PTPN13: variants seen among roughly 807,000 people sequenced by gnomAD.
PTPN13 encodes protein tyrosine phosphatase non-receptor type 13.
In PTPN13, 191 loss-of-function variants were observed where a neutral mutation model predicts 284.0. That is an observed-to-expected ratio of 0.67 (90% confidence interval 0.60 to 0.76). The LOEUF is 0.76. Among genes scored for constraint, PTPN13 ranks in the 30% least tolerant of loss-of-function variants. The probability of loss-of-function intolerance (pLI) is 0.00; values close to 1 mark genes in which losing one functional copy is unlikely to be tolerated. For missense variants in PTPN13, 2,797 were observed against 2,939.9 expected, an observed-to-expected ratio of 0.95 and a Z score of 1.12; for synonymous variants, 986 against 1,022.3, an observed-to-expected ratio of 0.96 and a Z score of 0.68.
chr4:86,666,279 T>C (rs1277669195), intron 2 of PTPN13, among the ~76,000 whole-genome samples: 1 of 149,624 alleles, frequency 6.7e-6, no homozygotes, highest in Admixed American at 6.7e-5. Flanking sequence ...AGCGTCATTG[T>C]CTGGGGTAAA....
intron 39 of PTPN13, 51 bp from the exon 40 acceptor site, chr4:86,785,797 C>T (rs1249174778): frequency 3.4e-6 from 4 of 1,190,080 alleles, no homozygotes. Context: ...AACTTTTCTA[C>T]TTCCTCAATA....
intron 6 of PTPN13, among the ~76,000 whole-genome samples, chr4:86,700,069 T>C (rs1730989327): frequency 6.6e-6 from 1 of 152,176 alleles, no homozygotes; most frequent in South Asian, 2.1e-4. Context: ...AAGCACAATG[T>C]TTTAATCTTA....
chr4:86,758,878 A>G lies in PTPN13; in HGVS notation c.3422-64A>G, dbSNP rs1440329581. The stretch of plus-strand genomic sequence containing the variant: ...CTAAAATAATTGAGAAAGAGATGAT[A>G]TTTCTAAGATTCAGAATAAATGTAT... On this transcript the variant is annotated intron_variant, in intron 22 of 47. Transcript: ENST00000411767. 6.2e-5 allele frequency: 98 copies of G among 1,585,238 alleles called. No homozygotes were observed. In the Admixed American group the frequency reaches 1.8e-3, roughly 29 times the overall value.
At chr4:86,608,394 C>T (rs1764983091) in intron 1 of PTPN13, among the ~76,000 whole-genome samples, 1 of 151,960 alleles carries the variant, frequency 6.6e-6, no homozygotes, top group Non-Finnish European at 1.5e-5. Context: ...CTAGCCAATT[C>T]TTGGAAGATT....
intron 10 of PTPN13, among the ~76,000 whole-genome samples, chr4:86,724,550 T>G (rs1212672231): frequency 6.6e-6 from 1 of 152,178 alleles, no homozygotes; most frequent in Admixed American, 6.5e-5. Context: ...GCCAGAGATA[T>G]TTTGTGTCAG....
chr4:86,780,829 C>A (rs1268064423), intron 36 of PTPN13, among the ~76,000 whole-genome samples: 1 of 152,136 alleles, frequency 6.6e-6, no homozygotes, highest in African/African-American at 2.4e-5. Context: ...AAAATAAACT[C>A]AAAATAAATG....
At position 86,774,419 on chromosome 4, in the gene PTPN13, T is replaced by C. The variant is rs765367977; in HGVS notation, c.5396T>C (p.Leu1799Pro). ...CTAATTAAATCAGAAAAAGGAAGCC[T>C]GGGTTTTACAGTAACCAAAGGCAAT... is the stretch of plus-strand genomic sequence containing the variant. ...ITLIKSEKGSLGFTVTKGNQR... is the reference protein window; with the variant it reads ...ITLIKSEKGSPGFTVTKGNQR... Residue 1799 changes from leucine to proline, a missense_variant, in exon 33 of 48, where the codon CTG (leucine) becomes CCG (proline). Leu to Pro is a moderately conservative substitution (Grantham distance 98). Coordinates refer to ENST00000411767, the MANE Select transcript of PTPN13 (RefSeq NM_080683.3). The C allele has an allele frequency of 2.9e-5, 46 of 1,606,850 alleles. No homozygotes were observed. Among genetic ancestry groups the C allele is most frequent in the Middle Eastern group, 1.6e-4 (1 of 6,076 alleles).
At chr4:86,714,380 A>G (rs1732768791) in intron 7 of PTPN13, among the ~76,000 whole-genome samples, 1 of 151,988 alleles carries the variant, frequency 6.6e-6, no homozygotes, top group Non-Finnish European at 1.5e-5. Flanking sequence ...CCTCCTTGCC[A>G]GTCTACTCGT....
chr4:86,606,649 G>A (rs574403285), intron 1 of PTPN13, among the ~76,000 whole-genome samples: 23 of 151,754 alleles, frequency 1.5e-4, no homozygotes, highest in African/African-American at 4.8e-4. Context: ...TTTATTTGGC[G>A]TACCGTCAAG....
chr4:86,788,169 C>T (rs79243937), intron 40 of PTPN13, among the ~76,000 whole-genome samples: 12,571 of 152,118 alleles, frequency 0.083, 657 homozygotes, highest in Non-Finnish European at 0.11. Flanking sequence ...TCTAGGAACA[C>T]GTTTAAATCA....
intron 17 of PTPN13, among the ~76,000 whole-genome samples, chr4:86,747,540 AGCAGCAGCG>A (rs1376648450): frequency 1.2e-4 from 17 of 144,964 alleles, no homozygotes; most frequent in African/African-American, 3.6e-4. Context: ...TAGTAGCAGC[AGCAGCAGCG>A]GCAGCAGCAG....
intron 16 of PTPN13, among the ~76,000 whole-genome samples, chr4:86,743,227 A>G (rs1736353493): frequency 1.3e-5 from 2 of 152,138 alleles, no homozygotes; most frequent in Admixed American, 1.3e-4. Flanking sequence ...CTTAGATATT[A>G]AATCATCTAT....
chr4:86,770,956 A>C (rs1739921594), intron 30 of PTPN13, among the ~76,000 whole-genome samples: 1 of 152,214 alleles, frequency 6.6e-6, no homozygotes, highest in African/African-American at 2.4e-5. Flanking sequence ...ATGAGACAAA[A>C]TATATAATAC....
rs978883833 is a variant in PTPN13 at position 86,811,051 on chromosome 4, C to T, written c.7305C>T (p.Asp2435=). ...LGLISQDLDF[D]ISDLVRCMRL... is the part of the protein sequence containing the mutation. ...TATGTGGTTTCCTCTGACAGTTTGA[C>T]ATCTCTGATTTGGTGCGCTGCATGA... The change falls in exon 47 of 48, where the codon GAC becomes GAT. Residue 2435 remains aspartate (D), a synonymous_variant. Coordinates refer to ENST00000411767, the MANE Select transcript of PTPN13 (RefSeq NM_080683.3). 1.2e-6 allele frequency: 2 copies of T among 1,613,272 alleles called. No homozygotes were observed. The highest frequency in any genetic ancestry group is 2.7e-5 in the African/African-American group (2 of 75,034).
chr4:86,764,584 T>G lies in PTPN13; in HGVS notation c.4018-9T>G, dbSNP rs1739068093. 6.9e-7 allele frequency: 1 copy of G among 1,441,350 alleles called. No individual in the cohort carries two copies. Among genetic ancestry groups the G allele is most frequent in the Non-Finnish European group, 9.2e-7 (1 of 1,092,626 alleles). 89.3% of individuals were successfully genotyped at this position (1,441,350 alleles called of 1,614,324 possible). The stretch of plus-strand genomic sequence containing the variant: ...AACAAGAAATCTTTGTTTGTTTTTC[T>G]TTGTTAAGGAATCTTCCTCTTCAGT... On this transcript the variant is annotated splice_polypyrimidine_tract_variant and intron_variant, in intron 24 of 47. Coordinates refer to ENST00000411767, the MANE Select transcript of PTPN13 (RefSeq NM_080683.3).
chr4:86,750,590 C>T lies in PTPN13; in HGVS notation c.2771C>T (p.Pro924Leu). Residue 924 changes from proline (P) to leucine (L), a missense_variant, in exon 18 of 48, where the codon CCT becomes CTT. Pro to Leu is a moderately conservative substitution (Grantham distance 98, BLOSUM62 -3). Coordinates refer to ENST00000411767, the MANE Select transcript of PTPN13 (RefSeq NM_080683.3). ...ACCCTCAACAAACTTGCTGTTCGAC[C>T]TTTATCAGTTCAAGCTGAGATTCTG... ...SSTLNKLAVR[P>L]LSVQAEILKR... is the part of the protein sequence containing the mutation. The T allele has an allele frequency of 6.2e-7, 1 of 1,613,920 alleles. No individual in the cohort carries two copies. Among genetic ancestry groups the T allele is most frequent in the Non-Finnish European group, 8.5e-7 (1 of 1,179,878 alleles).
intron 42 of PTPN13, among the ~76,000 whole-genome samples, chr4:86,800,665 G>A (rs1417994113): frequency 7.0e-6 from 1 of 142,806 alleles, no homozygotes; most frequent in Non-Finnish European, 1.5e-5. Context: ...GAAAGAAAGA[G>A]AGAGAGAGAA....
At chr4:86,762,624 A>T in intron 23 of PTPN13, 103 bp from the exon 24 acceptor site, 1 of 910,932 alleles carries the variant, frequency 1.1e-6, no homozygotes, top group Non-Finnish European at 1.7e-6. Context: ...TTTGTGTGTC[A>T]TCCTTATAAA....
intron 5 of PTPN13, chr4:86,690,266 G>A (rs1446640737): frequency 6.6e-6 from 1 of 152,088 alleles, no homozygotes; most frequent in African/African-American, 2.4e-5. Flanking sequence ...TGATTTTTTT[G>A]AACAAAGGTA....
Sources: gnomAD v4.1 joint callset for allele counts (sites outside exome capture counted in the v4.1 genomes callset) on GRCh38, gnomAD v4.1.1 for gene constraint, MANE v1.5 for transcripts, NCBI Gene and HGNC (gene_info 2026-07-23, HGNC 2026-07-21) for gene names.